The following RBFOX1 variants were observed in gnomAD, a reference collection of about 807,000 sequenced individuals.
RBFOX1 encodes the protein RNA binding protein fox-1 homolog 1.
In RBFOX1, 8 loss-of-function variants were observed where a neutral mutation model predicts 57.7. The observed-to-expected ratio is 0.14, with a 90% CI of 0.08 to 0.25. The LOEUF (loss-of-function observed/expected upper bound fraction) is 0.25. Ranked by LOEUF, RBFOX1 falls within the 10% of genes least tolerant of loss-of-function variation. RBFOX1 has a pLI of 1.00. For missense variants in RBFOX1, 611 were observed against 548.5 expected (o/e 1.11, Z -1.14); for synonymous variants, 326 against 222.4 (o/e 1.47, Z -4.15).
At chr16:7,511,331 G>A (rs7186099) in intron 4 of RBFOX1, among the ~76,000 whole-genome samples, 126,631 of 152,212 alleles carry the variant, frequency 0.83, 53,517 homozygotes, top group Middle Eastern at 0.91. Flanking sequence ...TCAGGGCAAC[G>A]AATGGGAGAA....
At chr16:5,373,706 C>G (rs1253209162) in intron 1 of RBFOX1, among the ~76,000 whole-genome samples, 3 of 149,418 alleles carry the variant, frequency 2.0e-5, no homozygotes, top group African/African-American at 7.4e-5. Context: ...CGGGTTCAGG[C>G]TATTCTCCTG....
At chr16:5,843,118 C>A (rs147113247) in intron 3 of RBFOX1, among the ~76,000 whole-genome samples, 3 of 152,172 alleles carry the variant, frequency 2.0e-5, no homozygotes, top group Non-Finnish European at 2.9e-5. Context: ...TGAGCCACCA[C>A]GCCAGGCCTA....
intron 3 of RBFOX1, among the ~76,000 whole-genome samples, chr16:6,694,568 C>G (rs749172930): frequency 6.6e-6 from 1 of 151,970 alleles, no homozygotes; most frequent in African/African-American, 2.4e-5. Context: ...CACTGAGGGC[C>G]TCTTTACTGG....
intron 1 of RBFOX1, among the ~76,000 whole-genome samples, chr16:6,153,242 C>G (rs1347374982): frequency 6.6e-6 from 1 of 151,934 alleles, no homozygotes; most frequent in African/African-American, 2.4e-5. Context: ...TGCAGCATTC[C>G]TATTTCCTCC....
At chr16:7,441,757 C>T (rs1193837032) in intron 4 of RBFOX1, among the ~76,000 whole-genome samples, 1 of 152,232 alleles carries the variant, frequency 6.6e-6, no homozygotes, top group Non-Finnish European at 1.5e-5. Context: ...AGCACCTGCA[C>T]ACCTCAGTGT....
At position 6,973,284 on chromosome 16, in the gene RBFOX1, C is replaced by T. The variant is rs1379419507; in HGVS notation, c.-15-78773C>T. Among the ~76,000 whole-genome samples, 5 of 152,104 alleles carry T rather than the reference C, an allele frequency of 3.3e-5. 1 individual carries two copies. Among genetic ancestry groups the T allele is most frequent in the African/African-American group, 1.2e-4 (5 of 41,396 alleles). On this transcript the variant is annotated intron_variant, in intron 3 of 15. Transcript: ENST00000550418. ...GTAAGTACTTGGAATCAAGTTGATG[C>T]ATTTTCTTATGTGCCATGCAGACAA...
intron 4 of RBFOX1, among the ~76,000 whole-genome samples, chr16:6,001,703 A>C (rs2060602614): frequency 6.6e-6 from 1 of 152,230 alleles, no homozygotes; most frequent in Admixed American, 6.5e-5. Context: ...AAAATACATT[A>C]ATTTAAATAA....
At chr16:7,398,453 A>C (rs2098179131) in intron 4 of RBFOX1, among the ~76,000 whole-genome samples, 1 of 152,222 alleles carries the variant, frequency 6.6e-6, no homozygotes. Flanking sequence ...GGCTATGATT[A>C]TTGCTATTCT....
intron 4 of RBFOX1, among the ~76,000 whole-genome samples, chr16:7,158,281 G>A (rs1220393266): frequency 6.6e-6 from 1 of 152,120 alleles, no homozygotes; most frequent in African/African-American, 2.4e-5. Flanking sequence ...GGAAGGCGGA[G>A]GTTGCAGTGA....
At chr16:6,827,103 G>T (rs2092249584) in intron 3 of RBFOX1, among the ~76,000 whole-genome samples, 1 of 152,120 alleles carries the variant, frequency 6.6e-6, no homozygotes, top group Admixed American at 6.5e-5. Flanking sequence ...GAGTCTCTTA[G>T]TGTCCTTTAA....
At chr16:6,052,506 C>A (rs1006500887) in intron 1 of RBFOX1, among the ~76,000 whole-genome samples, 1 of 151,976 alleles carries the variant, frequency 6.6e-6, no homozygotes, top group Non-Finnish European at 1.5e-5. Flanking sequence ...ATGCCTAGGC[C>A]GGGCGCGGTG....
intron 2 of RBFOX1, among the ~76,000 whole-genome samples, chr16:5,545,600 G>A (rs1266024596): frequency 6.6e-6 from 1 of 151,774 alleles, no homozygotes; most frequent in South Asian, 2.1e-4. Flanking sequence ...AAAAGTGAGA[G>A]ACACATGATC....
intron 4 of RBFOX1, among the ~76,000 whole-genome samples, chr16:7,174,227 A>G (rs1367382892): frequency 6.6e-6 from 1 of 152,090 alleles, no homozygotes; most frequent in Non-Finnish European, 1.5e-5. Context: ...AGGTTCATCC[A>G]TGTGGATGCA....
At chr16:6,030,440 A>G (rs769400952) in intron 1 of RBFOX1, among the ~76,000 whole-genome samples, 1 of 152,118 alleles carries the variant, frequency 6.6e-6, no homozygotes, top group Non-Finnish European at 1.5e-5. Flanking sequence ...GATAGCATGG[A>G]TTTTGCGTAT....
chr16:6,858,590 T>C (rs770762675), intron 3 of RBFOX1, among the ~76,000 whole-genome samples: 8 of 152,210 alleles, frequency 5.3e-5, no homozygotes, highest in Non-Finnish European at 1.0e-4. Flanking sequence ...TTTCTGAGAA[T>C]GATTTCATTC....
chr16:7,076,329 G>A (rs566736110), intron 4 of RBFOX1, among the ~76,000 whole-genome samples: 1 of 152,024 alleles, frequency 6.6e-6, no homozygotes, highest in Non-Finnish European at 1.5e-5. Flanking sequence ...ACCACTCCCG[G>A]CCATTTTTTT....
At chr16:6,470,194 T>A (rs948117027) in intron 2 of RBFOX1, among the ~76,000 whole-genome samples, 2 of 152,196 alleles carry the variant, frequency 1.3e-5, no homozygotes, top group African/African-American at 4.8e-5. Context: ...TGGCTGTTTG[T>A]CTTAGAGAAT....
chr16:7,345,734 A>C (rs1249755931), intron 4 of RBFOX1, among the ~76,000 whole-genome samples: 1 of 152,200 alleles, frequency 6.6e-6, no homozygotes, highest in African/African-American at 2.4e-5. Context: ...TGCAGAGCAT[A>C]TGGGATTCTT....
chr16:7,009,669 A>T (rs1484607744), intron 3 of RBFOX1, among the ~76,000 whole-genome samples: 1 of 152,172 alleles, frequency 6.6e-6, no homozygotes, highest in Admixed American at 6.5e-5. Context: ...CATAAAGAAT[A>T]TCCTAGAATT....
Sources: gnomAD v4.1 joint callset for allele counts (sites outside exome capture counted in the v4.1 genomes callset) on GRCh38, gnomAD v4.1.1 for gene constraint, MANE v1.5 for transcripts, NCBI Gene and HGNC (gene_info 2026-07-23, HGNC 2026-07-21) for gene names.